Variants in LYPD6B observed in about 807,000 individuals in gnomAD.
The protein encoded by LYPD6B is LY6/PLAUR domain containing 6B, also known as ly6/PLAUR domain-containing protein 6B.
Under a neutral mutation model 22.8 loss-of-function variants are expected in LYPD6B, and 17 were observed. The ratio of observed to expected loss-of-function variants is 0.75; its 90% CI spans 0.51 to 1.12. The LOEUF (loss-of-function observed/expected upper bound fraction) is 1.12, where lower values mean the gene tolerates loss of function less well. LYPD6B is among the 50% of genes most tolerant of loss of function. LYPD6B has a pLI of 0.00. For missense variants in LYPD6B, 221 were observed against 258.3 expected (o/e 0.86, Z 0.99); for synonymous variants, 106 against 91.6 (o/e 1.16, Z -0.90).
chr2:149,166,829 G>A (rs1690455732), intron 3 of LYPD6B, among the ~76,000 whole-genome samples: 3 of 152,076 alleles, frequency 2.0e-5, no homozygotes, highest in Non-Finnish European at 4.4e-5. Flanking sequence ...CCACCAGAGA[G>A]GAGAGATCAC....
At chr2:149,178,540 G>C (rs1309504056) in intron 3 of LYPD6B, among the ~76,000 whole-genome samples, 2 of 152,154 alleles carry the variant, frequency 1.3e-5, no homozygotes, top group African/African-American at 4.8e-5. Flanking sequence ...TCACAGAGCA[G>C]AGCCTGTCAA....
At chr2:149,043,828 G>C (rs1683192659) in intron 1 of LYPD6B, among the ~76,000 whole-genome samples, 2 of 152,052 alleles carry the variant, frequency 1.3e-5, no homozygotes, top group South Asian at 4.1e-4. Flanking sequence ...TGAGTCAAAG[G>C]TATTTTCTTT....
At chr2:149,038,995 G>T (rs1682937960) in intron 1 of LYPD6B, among the ~76,000 whole-genome samples, 194 bp downstream of exon 1, 1 of 151,134 alleles carries the variant, frequency 6.6e-6, no homozygotes, top group Admixed American at 6.6e-5. Context: ...GGCGGGGTCG[G>T]GGTCTGGTCG....
At chr2:149,093,864 T>C (rs1281664270) in intron 1 of LYPD6B, among the ~76,000 whole-genome samples, 1 of 152,254 alleles carries the variant, frequency 6.6e-6, no homozygotes, top group South Asian at 2.1e-4. Context: ...CCAGCTCTTC[T>C]ACCAGTTTGG....
chr2:149,136,299 G>A (rs1688366306), intron 2 of LYPD6B, among the ~76,000 whole-genome samples: 2 of 152,156 alleles, frequency 1.3e-5, no homozygotes, highest in Admixed American at 6.5e-5. Context: ...ATGAAACAGT[G>A]AGTTTCATAA....
intron 3 of LYPD6B, among the ~76,000 whole-genome samples, chr2:149,185,457 T>C (rs1381517712): frequency 1.3e-5 from 2 of 152,152 alleles, no homozygotes; most frequent in African/African-American, 4.8e-5. Context: ...CACTGAACTA[T>C]GGTTTTGGCA....
At chr2:149,113,350 C>G (rs757192402) in intron 1 of LYPD6B, among the ~76,000 whole-genome samples, 1 of 152,070 alleles carries the variant, frequency 6.6e-6, no homozygotes, top group Non-Finnish European at 1.5e-5. Flanking sequence ...CAATAATGCT[C>G]TTGGATGGTT....
chr2:149,187,581 T>C, intron 3 of LYPD6B: 1 of 1,382,562 alleles, frequency 7.2e-7, no homozygotes, highest in East Asian at 2.8e-5. Context: ...TGACACATTG[T>C]AGGTGCCCCG....
At chr2:149,195,459 C>A (rs182723098) in intron 3 of LYPD6B, among the ~76,000 whole-genome samples, 2 of 152,110 alleles carry the variant, frequency 1.3e-5, no homozygotes, top group Non-Finnish European at 1.5e-5. Flanking sequence ...AGAACTACTG[C>A]GTGTTATTTA....
At position 149,186,661 on chromosome 2, in the gene LYPD6B, G is replaced by A. The variant is rs182066066; in HGVS notation, c.78-18592G>A. ...ACTCTGTCACTCAGGCTGGAGTGCAGTGGTGTGATCATGGCTCACAGCAGC... is the reference window on the plus strand; with the variant it reads ...ACTCTGTCACTCAGGCTGGAGTGCAATGGTGTGATCATGGCTCACAGCAGC... On this transcript the variant is annotated intron_variant, in intron 3 of 6. Transcript: ENST00000409642. Among the ~76,000 whole-genome samples the A allele has an allele frequency of 5.3e-5, 8 of 152,316 alleles. No homozygotes were observed. The East Asian group carries it at 7.7e-4, about 15-fold the overall frequency.
Position 149,115,989 on chromosome 2 carries a change from C to T in LYPD6B, c.-66-14894C>T, listed in dbSNP as rs543286375. ...GTAGGCATCTTGGTTATCAGATCTACTGAGACCGTATTGCAGTGCTTGTGT... is the reference window on the plus strand; with the variant it reads ...GTAGGCATCTTGGTTATCAGATCTATTGAGACCGTATTGCAGTGCTTGTGT... On this transcript the variant is annotated intron_variant, in intron 1 of 6. Transcript: ENST00000409642. 1.1e-4 allele frequency among the ~76,000 whole-genome samples: 16 copies of T among 152,318 alleles called. 1 individual carries two copies. The East Asian group carries it at 3.1e-3, about 29-fold the overall frequency.
chr2:149,079,174 G>C (rs1246443759), intron 1 of LYPD6B, among the ~76,000 whole-genome samples: 1 of 151,996 alleles, frequency 6.6e-6, no homozygotes, highest in Non-Finnish European at 1.5e-5. Flanking sequence ...GGCGGGGCTG[G>C]TGTCTGTTTT....
chr2:149,040,295 C>T (rs943370216), intron 1 of LYPD6B, among the ~76,000 whole-genome samples: 2 of 149,928 alleles, frequency 1.3e-5, no homozygotes, highest in East Asian at 3.9e-4. Context: ...GATCTCGGCT[C>T]ACTGCATGCA....
At chr2:149,180,783 A>G (rs1037627162) in intron 3 of LYPD6B, among the ~76,000 whole-genome samples, 1 of 152,168 alleles carries the variant, frequency 6.6e-6, no homozygotes, top group African/African-American at 2.4e-5. Flanking sequence ...CACAGGCACA[A>G]AAAGGACCCG....
chr2:149,186,128 G>T (rs1692082588), intron 3 of LYPD6B, among the ~76,000 whole-genome samples: 1 of 152,228 alleles, frequency 6.6e-6, no homozygotes, highest in Non-Finnish European at 1.5e-5. Context: ...GAAATGATTA[G>T]TCTTACTGAG....
intron 2 of LYPD6B, among the ~76,000 whole-genome samples, chr2:149,150,650 G>A (rs970516597): frequency 5.3e-5 from 8 of 152,022 alleles, no homozygotes; most frequent in Admixed American, 3.3e-4. Context: ...TCACAATAAT[G>A]TACATGTATT....
intron 2 of LYPD6B, among the ~76,000 whole-genome samples, chr2:149,151,838 A>C (rs1399977009): frequency 6.6e-6 from 1 of 152,292 alleles, no homozygotes; most frequent in East Asian, 1.9e-4. Flanking sequence ...ATCACACCTC[A>C]GCTCCAAAGC....
chr2:149,080,686 A>G (rs1442817047), intron 1 of LYPD6B, among the ~76,000 whole-genome samples: 2 of 152,058 alleles, frequency 1.3e-5, no homozygotes, highest in Admixed American at 1.3e-4. Context: ...TACTAAAAGT[A>G]CAAAAATCAG....
chr2:149,120,379 A>ATTTTTTTTT (rs1371894805), intron 1 of LYPD6B, among the ~76,000 whole-genome samples: 2 of 43,684 alleles, frequency 4.6e-5, no homozygotes, highest in African/African-American at 1.3e-4. Context: ...ATATATATAT[A>ATTTTTTTTT]TATATTTTTT....
Sources: gnomAD v4.1 joint callset for allele counts (sites outside exome capture counted in the v4.1 genomes callset) on GRCh38, gnomAD v4.1.1 for gene constraint, MANE v1.5 for transcripts, NCBI Gene and HGNC (gene_info 2026-07-23, HGNC 2026-07-21) for gene names.